The following CACNA2D3 variants were observed in gnomAD, a reference collection of about 807,000 sequenced individuals.
CACNA2D3 encodes voltage-dependent calcium channel subunit alpha-2/delta-3.
A neutral mutation model predicts 160.6 loss-of-function variants in CACNA2D3; 60 were observed. That is an observed-to-expected ratio of 0.37 (90% CI 0.30 to 0.46). The LOEUF is 0.46. Ranked by LOEUF, CACNA2D3 falls within the 20% of genes least tolerant of loss-of-function variation. The pLI is 1.00. For synonymous variants in CACNA2D3, 558 were observed against 492.9 expected (o/e 1.13, Z -1.75); for missense variants, 1,205 against 1,365.0 (o/e 0.88, Z 1.85).
chr3:54,379,901 T>C (rs1248297435), intron 3 of CACNA2D3, among the ~76,000 whole-genome samples: 1 of 151,958 alleles, frequency 6.6e-6, no homozygotes, highest in East Asian at 1.9e-4. Context: ...CTGTAAACCA[T>C]CTTACGTTTT....
At chr3:54,686,373 G>T (rs6808464) in intron 11 of CACNA2D3, among the ~76,000 whole-genome samples, 1 of 152,054 alleles carries the variant, frequency 6.6e-6, no homozygotes, top group Non-Finnish European at 1.5e-5. Flanking sequence ...TCATTAAACT[G>T]CAGATGGTTC....
chr3:54,664,417 G>T (rs910821962), intron 11 of CACNA2D3, among the ~76,000 whole-genome samples: 5 of 152,194 alleles, frequency 3.3e-5, no homozygotes, highest in Non-Finnish European at 7.3e-5. Context: ...TCAGAAATCT[G>T]TTGAACCCTA....
intron 4 of CACNA2D3, among the ~76,000 whole-genome samples, chr3:54,405,431 A>AC (rs1309685567): frequency 2.6e-5 from 4 of 152,110 alleles, no homozygotes; most frequent in Admixed American, 6.6e-5. Context: ...TATGTGGTCA[A>AC]CTAGTTTCTG....
chr3:54,879,256 G>A, intron 19 of CACNA2D3, 94 bp from the exon 20 acceptor site: 1 of 968,594 alleles, frequency 1.0e-6, no homozygotes. Context: ...TGATCATAGT[G>A]TGTCCATTTA....
intron 4 of CACNA2D3, among the ~76,000 whole-genome samples, chr3:54,389,292 G>A (rs1165158091): frequency 1.5e-5 from 2 of 132,580 alleles, no homozygotes; most frequent in Admixed American, 8.0e-5. Context: ...GCGAAACTCC[G>A]TCTTAAAAAA....
chr3:54,766,905 G>C (rs1197973336), intron 13 of CACNA2D3, among the ~76,000 whole-genome samples: 1 of 139,654 alleles, frequency 7.2e-6, no homozygotes, highest in Non-Finnish European at 1.6e-5. Flanking sequence ...GAGGAAAAAA[G>C]AAGATAGATA....
intron 14 of CACNA2D3, among the ~76,000 whole-genome samples, chr3:54,829,564 A>G (rs1703824152): frequency 6.6e-6 from 1 of 152,026 alleles, no homozygotes; most frequent in Admixed American, 6.6e-5. Context: ...CTCACAAACT[A>G]ATTGTACAGA....
At position 54,927,883 on chromosome 3, in the gene CACNA2D3, A is replaced by G. The variant is rs755584284; in HGVS notation, c.2449+28015A>G. 5.0e-6 allele frequency: 8 copies of G among 1,613,362 alleles called. No homozygotes were observed. The African/African-American group carries it at 9.4e-5, about 19-fold the overall frequency. On this transcript the variant is annotated intron_variant, in intron 27 of 37. Coordinates refer to ENST00000474759, the MANE Select transcript of CACNA2D3 (RefSeq NM_018398.3). ...TTTCTCCCAGACAAGAACTTTTCCA[A>G]CGGGAATTGATCAGGGCTCACCTTT...
rs925498136 is a variant in CACNA2D3, at chr3:54,865,707, C to T, written c.1627-5832C>T. Among the ~76,000 whole-genome samples, 32 of 152,328 alleles carry T rather than the reference C, an allele frequency of 2.1e-4. 1 individual carries two copies. Among genetic ancestry groups the T allele is most frequent in the African/African-American group, 6.7e-4 (28 of 41,568 alleles). On this transcript the variant is annotated intron_variant, in intron 17 of 37. Transcript: ENST00000474759. ...ACTCCCTTTGCCTGTGAAGGAACTT[C>T]CTCCCTAGGGGTGAGCTGCATGGGG...
chr3:54,821,229 A>G (rs557880094), intron 14 of CACNA2D3, among the ~76,000 whole-genome samples: 18 of 152,362 alleles, frequency 1.2e-4, no homozygotes, highest in African/African-American at 3.8e-4. Flanking sequence ...TCACAAAACC[A>G]TAGTTAAAGC....
intron 11 of CACNA2D3, among the ~76,000 whole-genome samples, chr3:54,693,945 A>G (rs531013634): frequency 6.6e-6 from 1 of 152,288 alleles, no homozygotes; most frequent in South Asian, 2.1e-4. Flanking sequence ...TATAAAAGTC[A>G]CAGTTAGCTT....
chr3:54,534,493 C>T (rs904964773), intron 5 of CACNA2D3, among the ~76,000 whole-genome samples: 4 of 152,002 alleles, frequency 2.6e-5, no homozygotes, highest in Non-Finnish European at 4.4e-5. Context: ...TCTTCCCACG[C>T]GATGCTCCAT....
chr3:54,788,192 G>C (rs1043026390), intron 13 of CACNA2D3, among the ~76,000 whole-genome samples: 5 of 152,176 alleles, frequency 3.3e-5, no homozygotes, highest in African/African-American at 1.2e-4. Context: ...TGATATTACT[G>C]TGGGTCATAA....
chr3:54,530,308 G>GT (rs1701787249), intron 5 of CACNA2D3, among the ~76,000 whole-genome samples: 1 of 152,160 alleles, frequency 6.6e-6, no homozygotes, highest in Non-Finnish European at 1.5e-5. Context: ...CCGGCACTTG[G>GT]TGGGTGCTCC....
At chr3:54,276,936 G>T (rs1702755847) in intron 2 of CACNA2D3, among the ~76,000 whole-genome samples, 2 of 152,238 alleles carry the variant, frequency 1.3e-5, no homozygotes, top group African/African-American at 4.8e-5. Flanking sequence ...TTATGTAGAT[G>T]AGGGTTGATG....
chr3:54,819,291 C>A (rs1388154440), intron 14 of CACNA2D3, among the ~76,000 whole-genome samples: 4 of 152,200 alleles, frequency 2.6e-5, no homozygotes, highest in African/African-American at 9.6e-5. Flanking sequence ...TAACTTTCCA[C>A]TTTTGTTTTG....
chr3:54,957,204 G>C (rs1701920666), intron 27 of CACNA2D3, among the ~76,000 whole-genome samples: 2 of 151,796 alleles, frequency 1.3e-5, no homozygotes, highest in South Asian at 4.1e-4. Context: ...CTGTCCCCCA[G>C]GCTGGAGTTC....
intron 3 of CACNA2D3, among the ~76,000 whole-genome samples, chr3:54,360,067 C>T (rs1168264354): frequency 1.3e-5 from 2 of 152,194 alleles, no homozygotes; most frequent in Non-Finnish European, 2.9e-5. Flanking sequence ...CAAACTATGG[C>T]CCATGGGCCA....
Position 55,018,233 on chromosome 3 carries a change from C to T in CACNA2D3, c.2903C>T (p.Pro968Leu), listed in dbSNP as rs770327152. The change falls in exon 35 of 38, where the codon CCT becomes CTT. Residue 968 changes from proline to leucine, a missense_variant. By Grantham distance (98) the Pro-to-Leu change is moderately conservative (BLOSUM62 -3). Around this residue, in one of 3 missense-constraint regions of CACNA2D3, gnomAD observed 911 missense variants for 1,002.2 expected, o/e 0.91. Coordinates refer to ENST00000474759, the MANE Select transcript of CACNA2D3 (RefSeq NM_018398.3). ...KAQKLKQTLE[P>L]CDTEYPAFVS... ...CAGAAATTGAAACAGACCCTGGAGC[C>T]TTGTGATACTGAATATCCAGCATTC... 6 of 1,612,922 alleles carry T rather than the reference C, an allele frequency of 3.7e-6. No homozygotes were observed. The South Asian group carries it at 5.5e-5, about 15-fold the overall frequency.
Sources: allele counts gnomAD v4.1 joint callset (sites outside exome capture counted in the v4.1 genomes callset), GRCh38; gene constraint gnomAD v4.1.1; regional missense constraint gnomAD v4.1.1; transcripts MANE v1.5; gene names NCBI Gene and HGNC (gene_info 2026-07-23, HGNC 2026-07-21).